The following ANK3 variants were observed in gnomAD, a reference collection of about 807,000 sequenced individuals.
ANK3 encodes the protein ankyrin 3.
A neutral mutation model predicts 370.9 loss-of-function variants in ANK3; 57 were observed. The ratio of observed to expected loss-of-function variants is 0.15; its 90% CI spans 0.12 to 0.19. ANK3 has a LOEUF of 0.19. Among genes scored for constraint, ANK3 ranks in the 10% least tolerant of loss-of-function variants. The probability of loss-of-function intolerance (pLI) is 1.00; values close to 1 mark genes in which losing one functional copy is unlikely to be tolerated. For synonymous variants in ANK3, 1,929 were observed against 1,946.3 expected, an observed-to-expected ratio of 0.99 and a Z score of 0.23; for missense variants, 4,439 against 5,302.1, an observed-to-expected ratio of 0.84 and a Z score of 5.06.
intron 1 of ANK3, among the ~76,000 whole-genome samples, chr10:60,302,411 A>G (rs982364551): frequency 2.2e-4 from 34 of 152,174 alleles, no homozygotes; most frequent in Non-Finnish European, 4.6e-4. Flanking sequence ...AACATGATAT[A>G]TTATATCAGC....
At chr10:60,085,107 G>T (rs61845771) in intron 31 of ANK3, 50 bp downstream of exon 31, 25 of 1,453,894 alleles carry the variant, frequency 1.7e-5, no homozygotes, top group Non-Finnish European at 2.4e-5. Flanking sequence ...TTTCCAAAAG[G>T]TAATAAAAAC....
rs138097215 is a variant in ANK3 at position 60,293,862 on chromosome 10, C to T, written c.115-14223G>A. 1.8e-3 allele frequency among the ~76,000 whole-genome samples: 275 copies of T among 152,270 alleles called. 2 individuals are homozygous for T. Among genetic ancestry groups the T allele is most frequent in the Non-Finnish European group, 3.3e-3 (227 of 68,026 alleles). ...ATAATACTGAGATATTGCTATATTC[C>T]GCTCAGGAAATACATAGCAGTAACT... is the stretch of plus-strand genomic sequence containing the variant. On this transcript the variant is annotated intron_variant, in intron 1 of 43. Coordinates refer to ENST00000280772, the MANE Select transcript of ANK3 (RefSeq NM_020987.5).
At chr10:60,428,482 G>C (rs900704631) in intron 2 of ANK3, among the ~76,000 whole-genome samples, 1 of 152,148 alleles carries the variant, frequency 6.6e-6, no homozygotes, top group Non-Finnish European at 1.5e-5. Flanking sequence ...TATTGTTCAT[G>C]GTTATTTTTT....
chr10:60,283,239 C>T (rs143333710), intron 1 of ANK3, among the ~76,000 whole-genome samples: 29 of 152,204 alleles, frequency 1.9e-4, no homozygotes, highest in Non-Finnish European at 4.0e-4. Context: ...GTAAAAAACA[C>T]ACTATTTTGT....
intron 24 of ANK3, among the ~76,000 whole-genome samples, chr10:60,136,436 C>A (rs1348826556): frequency 6.6e-6 from 1 of 152,132 alleles, no homozygotes; most frequent in African/African-American, 2.4e-5. Flanking sequence ...TCGCCGGCCA[C>A]TCTCTGCATT....
chr10:60,250,559 G>C (rs2097644532), intron 7 of ANK3, among the ~76,000 whole-genome samples: 1 of 152,032 alleles, frequency 6.6e-6, no homozygotes, highest in South Asian at 2.1e-4. Context: ...TAGAGACGGA[G>C]TTTCACCATG....
At position 60,225,097 on chromosome 10, in the gene ANK3, G is replaced by C. The variant is rs1187661601; in HGVS notation, c.897+9591C>G. ...TCCAGTTATTTTTACATTTTTTGTA[G>C]AGATGGGGTTTCACCAAGTTGGCCA... On this transcript the variant is annotated intron_variant, in intron 8 of 43. Transcript: ENST00000280772. Among the ~76,000 whole-genome samples the C allele has an allele frequency of 2.0e-5, 3 of 151,894 alleles. No homozygotes were observed. In the East Asian group the frequency reaches 5.8e-4, roughly 29 times the overall value.
Position 60,109,042 on chromosome 10 carries a change from G to A in ANK3, c.2961C>T (p.Ser987=), listed in dbSNP as rs1190079377. 1.2e-6 allele frequency: 2 copies of A among 1,612,936 alleles called. No homozygotes were observed. The highest frequency in any genetic ancestry group is 1.7e-6 in the Non-Finnish European group (2 of 1,179,928). The change falls in exon 27 of 44, where the codon AGC becomes AGT. Residue 987 remains serine (S), a synonymous_variant. Transcript: ENST00000280772. ...SSPIHSGFLV[S]FMVDARGGSM... ...AGCCCCCTCTCGCGTCCACCATAAA[G>A]CTAACCAGAAACCTGAGGGGAGAAG...
chr10:60,634,562 G>A (rs1294819104), intron 1 of ANK3, among the ~76,000 whole-genome samples: 3 of 152,198 alleles, frequency 2.0e-5, no homozygotes, highest in Admixed American at 6.5e-5. Context: ...AAAATGGACC[G>A]ATCAGGAGGA....
intron 2 of ANK3, among the ~76,000 whole-genome samples, chr10:60,397,828 G>A (rs2063274344): frequency 6.6e-6 from 1 of 152,170 alleles, no homozygotes; most frequent in Admixed American, 6.5e-5. Flanking sequence ...AAGGTCCTAT[G>A]TTTTGGAGAT....
At chr10:60,571,543 A>G (rs2077599967) in intron 2 of ANK3, among the ~76,000 whole-genome samples, 2 of 152,204 alleles carry the variant, frequency 1.3e-5, no homozygotes, top group Admixed American at 1.3e-4. Flanking sequence ...TTAAAATATT[A>G]TATCTGAAGA....
At chr10:60,706,660 TTA>T (rs2079623707) in intron 1 of ANK3, among the ~76,000 whole-genome samples, 1 of 152,226 alleles carries the variant, frequency 6.6e-6, no homozygotes, top group African/African-American at 2.4e-5. Flanking sequence ...CCTTCGTATT[TTA>T]GAGTATAGTA....
intron 2 of ANK3, among the ~76,000 whole-genome samples, chr10:60,554,362 C>T (rs773931102): frequency 1.6e-4 from 25 of 152,146 alleles, no homozygotes; most frequent in Non-Finnish European, 1.9e-4. Flanking sequence ...GCACCATAAA[C>T]GCAGGTAAGC....
At chr10:60,496,797 T>A (rs1595147501) in intron 2 of ANK3, among the ~76,000 whole-genome samples, 1 of 151,110 alleles carries the variant, frequency 6.6e-6, no homozygotes, top group Admixed American at 6.6e-5. Context: ...ATGGTAAGGT[T>A]GAACTGCTTG....
At chr10:60,321,210 A>G (rs1566560855) in intron 1 of ANK3, among the ~76,000 whole-genome samples, 1 of 151,902 alleles carries the variant, frequency 6.6e-6, no homozygotes, top group African/African-American at 2.4e-5. Context: ...GCAGCATGAG[A>G]CCCTCTTCTC....
intron 1 of ANK3, among the ~76,000 whole-genome samples, chr10:60,619,075 C>G (rs1343256702): frequency 6.6e-6 from 1 of 152,018 alleles, no homozygotes; most frequent in Non-Finnish European, 1.5e-5. Context: ...TGGAAGAGCT[C>G]CTTCACCCCC....
intron 42 of ANK3, chr10:60,050,743 C>T (rs960864065): frequency 3.6e-4 from 55 of 152,144 alleles, no homozygotes; most frequent in African/African-American, 1.3e-3. Context: ...AGTGCTTCAA[C>T]AGACCTTTGT....
chr10:60,350,738 T>C lies in ANK3; in HGVS notation c.114+38687A>G, dbSNP rs147228679. Reference sequence around the variant, plus strand: ...AAATACCACAGTGTGAGCAGTTTTTTAGGTCAGCCATCAAAAAGGAAAAGG... The same window carrying C: ...AAATACCACAGTGTGAGCAGTTTTTCAGGTCAGCCATCAAAAAGGAAAAGG... On this transcript the variant is annotated intron_variant, in intron 1 of 43. Transcript: ENST00000280772. Among the ~76,000 whole-genome samples the C allele has an allele frequency of 2.6e-3, 396 of 152,322 alleles. 2 individuals carry two copies. Among genetic ancestry groups the C allele is most frequent in the Non-Finnish European group, 3.8e-3 (261 of 68,038 alleles).
intron 24 of ANK3, chr10:60,138,694 C>A (rs1362026346): frequency 4.1e-6 from 2 of 483,866 alleles, no homozygotes; most frequent in African/African-American, 4.1e-5. Context: ...TGTCAGTGAG[C>A]TCTTTTGCTA....
Sources: gnomAD v4.1 joint callset for allele counts (sites outside exome capture counted in the v4.1 genomes callset) on GRCh38, gnomAD v4.1.1 for gene constraint, MANE v1.5 for transcripts, NCBI Gene and HGNC (gene_info 2026-07-23, HGNC 2026-07-21) for gene names.